Variants in ROBO2 observed in about 807,000 individuals in gnomAD.
ROBO2 encodes roundabout homolog 2.
Under a neutral mutation model 160.8 loss-of-function variants are expected in ROBO2, and 53 were observed. That is an observed-to-expected ratio of 0.33 (90% CI 0.26 to 0.41). The LOEUF is 0.41. Ranked by LOEUF, ROBO2 falls within the 10% of genes least tolerant of loss-of-function variation. The pLI is 1.00. For synonymous variants in ROBO2, 664 were observed against 611.7 expected, an observed-to-expected ratio of 1.09 and a Z score of -1.26; for missense variants, 1,577 against 1,722.4, an observed-to-expected ratio of 0.92 and a Z score of 1.49.
intron 2 of ROBO2, among the ~76,000 whole-genome samples, chr3:77,378,309 T>G (rs2072965634): frequency 6.6e-6 from 1 of 152,202 alleles, no homozygotes; most frequent in Non-Finnish European, 1.5e-5. Flanking sequence ...CCTACCTGTA[T>G]TAACTCTTTG....
At chr3:76,511,916 G>A (rs1204000486) in intron 2 of ROBO2, among the ~76,000 whole-genome samples, 1 of 152,136 alleles carries the variant, frequency 6.6e-6, no homozygotes, top group East Asian at 1.9e-4. Flanking sequence ...TTGCCTGATT[G>A]TGAAATAGCC....
At chr3:76,715,534 T>C (rs1295936159) in intron 2 of ROBO2, among the ~76,000 whole-genome samples, 1 of 152,190 alleles carries the variant, frequency 6.6e-6, no homozygotes, top group East Asian at 1.9e-4. Flanking sequence ...CACTTACACC[T>C]AATAGCATTT....
rs755681931 is a variant in ROBO2, at chr3:76,035,185, A to T, written c.109+97583A>T. Among the ~76,000 whole-genome samples the T allele has an allele frequency of 2.3e-5, 3 of 129,714 alleles. No homozygotes were observed. In the South Asian group the frequency reaches 6.7e-4, roughly 29 times the overall value. 85.1% of individuals were successfully genotyped at this position (129,714 alleles called of 152,430 possible). On this transcript the variant is annotated intron_variant, in intron 2 of 26. Transcript: ENST00000487694. ...TTCTATGGCTGGACTACATGTAAATATATCTTTTTTTTTTTTTTTCTAAAT... is the reference window on the plus strand; with the variant it reads ...TTCTATGGCTGGACTACATGTAAATTTATCTTTTTTTTTTTTTTTCTAAAT...
chr3:77,181,485 G>A (rs935138418), intron 2 of ROBO2, among the ~76,000 whole-genome samples: 11 of 151,798 alleles, frequency 7.2e-5, no homozygotes, highest in Non-Finnish European at 1.2e-4. Flanking sequence ...ATTTTATTTC[G>A]GTATATAATT....
chr3:76,903,792 T>C (rs1447916278), intron 2 of ROBO2, among the ~76,000 whole-genome samples: 1 of 152,160 alleles, frequency 6.6e-6, no homozygotes, highest in African/African-American at 2.4e-5. Flanking sequence ...GCTTCTTCTT[T>C]TCATTTCTAC....
intron 2 of ROBO2, among the ~76,000 whole-genome samples, chr3:76,082,736 A>G (rs982631480): frequency 4.6e-5 from 7 of 152,156 alleles, no homozygotes; most frequent in African/African-American, 1.7e-4. Context: ...AAAAATCATT[A>G]CAGGAATAGT....
chr3:76,579,487 A>C (rs1000823658), intron 2 of ROBO2, among the ~76,000 whole-genome samples: 44 of 152,202 alleles, frequency 2.9e-4, no homozygotes, highest in African/African-American at 1.0e-3. Flanking sequence ...TTCTTGAAGA[A>C]ATGAATAAAT....
chr3:76,653,377 G>A (rs2091340835), intron 2 of ROBO2, among the ~76,000 whole-genome samples: 1 of 150,284 alleles, frequency 6.7e-6, no homozygotes, highest in Non-Finnish European at 1.5e-5. Context: ...TATACGTATA[G>A]TAAAATATAT....
intron 2 of ROBO2, among the ~76,000 whole-genome samples, chr3:76,007,279 T>G (rs2066048756): frequency 6.6e-6 from 1 of 152,148 alleles, no homozygotes. Context: ...CAAACAGAGA[T>G]TATGCATTTT....
intron 2 of ROBO2, among the ~76,000 whole-genome samples, chr3:76,396,673 C>A (rs1438226908): frequency 4.6e-5 from 7 of 152,054 alleles, no homozygotes; most frequent in South Asian, 2.1e-4. Flanking sequence ...TTCTTATGCA[C>A]CAATAACAGA....
intron 2 of ROBO2, among the ~76,000 whole-genome samples, chr3:76,333,465 T>C (rs1479702268): frequency 6.6e-6 from 1 of 152,162 alleles, no homozygotes; most frequent in African/African-American, 2.4e-5. Flanking sequence ...TATGACATAT[T>C]CCAGATAATC....
intron 2 of ROBO2, among the ~76,000 whole-genome samples, chr3:76,709,615 G>T (rs931725243): frequency 4.6e-5 from 7 of 152,178 alleles, no homozygotes; most frequent in African/African-American, 1.7e-4. Flanking sequence ...AGGGGTGAGT[G>T]GTTATTTAGT....
At chr3:77,252,832 ATAT>A (rs1450147558) in intron 2 of ROBO2, among the ~76,000 whole-genome samples, 42 of 26,252 alleles carry the variant, frequency 1.6e-3, no homozygotes, top group African/African-American at 4.3e-3. Context: ...AAAAAAAAAA[ATAT>A]ATATATATAT....
chr3:77,414,551 G>A (rs1254865875), intron 2 of ROBO2, among the ~76,000 whole-genome samples: 1 of 152,270 alleles, frequency 6.6e-6, no homozygotes, highest in East Asian at 1.9e-4. Context: ...CAGAGAGGGG[G>A]AAAATTGCTG....
rs118184740 is a variant in ROBO2 at position 76,014,469 on chromosome 3, G to T, written c.109+76867G>T. On this transcript the variant is annotated intron_variant, in intron 2 of 26. Coordinates refer to the ROBO2 transcript ENST00000487694. ...GTAATATGTATAAAGGCAATTGGCA[G>T]CTGGCCTGGTGGCTTATGCGTGTAA... Among the ~76,000 whole-genome samples, 966 of 146,820 alleles carry T rather than the reference G, an allele frequency of 6.6e-3. 72 individuals carry two copies. The East Asian group carries it at 0.17, about 26-fold the overall frequency.
At chr3:76,035,045 C>T (rs1001749299) in intron 2 of ROBO2, among the ~76,000 whole-genome samples, 4 of 152,012 alleles carry the variant, frequency 2.6e-5, no homozygotes, top group Non-Finnish European at 5.9e-5. Flanking sequence ...TTTATAATCG[C>T]CTCCTCTTAC....
chr3:77,193,154 A>G (rs1233508011), intron 2 of ROBO2, among the ~76,000 whole-genome samples: 1 of 152,046 alleles, frequency 6.6e-6, no homozygotes, highest in East Asian at 1.9e-4. Flanking sequence ...TTTTCTAAAT[A>G]CTTCTTGGCT....
intron 2 of ROBO2, among the ~76,000 whole-genome samples, chr3:76,992,346 TA>T (rs765880056): frequency 0.29 from 38,158 of 133,246 alleles, 6,408 homozygotes; most frequent in East Asian, 0.65. Context: ...TATATATATA[TA>T]TATATATATA....
chr3:76,772,449 A>G (rs1221420071), intron 2 of ROBO2, among the ~76,000 whole-genome samples: 1 of 149,596 alleles, frequency 6.7e-6, no homozygotes, highest in Non-Finnish European at 1.5e-5. Flanking sequence ...AAAAACACCT[A>G]CTAGGTAAAG....
Sources: allele counts gnomAD v4.1 joint callset (sites outside exome capture counted in the v4.1 genomes callset), GRCh38; gene constraint gnomAD v4.1.1; transcripts MANE v1.5; gene names NCBI Gene and HGNC (gene_info 2026-07-23, HGNC 2026-07-21).